The following RAB27B variants were observed in gnomAD, a reference collection of about 807,000 sequenced individuals.
RAB27B encodes the protein RAB27B, member RAS oncogene family.
In RAB27B, 15 loss-of-function variants were observed where a neutral mutation model predicts 24.6. The observed-to-expected ratio is 0.61, with a 90% confidence interval of 0.41 to 0.94. RAB27B has a LOEUF of 0.94. RAB27B is among the 40% of genes least tolerant of loss of function. The pLI, the probability that RAB27B is intolerant of heterozygous loss-of-function variation, is 0.00. For synonymous variants in RAB27B, 105 were observed against 92.5 expected (o/e 1.14, Z -0.78); for missense variants, 261 against 266.8 (o/e 0.98, Z 0.15).
chr18:54,798,303 T>G (rs1344569923), intron 2 of RAB27B, among the ~76,000 whole-genome samples: 3 of 152,220 alleles, frequency 2.0e-5, no homozygotes, highest in African/African-American at 4.8e-5. Flanking sequence ...ATGATTGAAG[T>G]GTATTCCTGG....
chr18:54,804,342 C>A (rs1819881), intron 2 of RAB27B, among the ~76,000 whole-genome samples: 19 of 151,990 alleles, frequency 1.3e-4, no homozygotes, highest in Non-Finnish European at 2.4e-4. Flanking sequence ...TCATGGGGAC[C>A]AATCTTTCCC....
At chr18:54,730,619 C>T (rs1049671523) in intron 2 of RAB27B, among the ~76,000 whole-genome samples, 3 of 152,004 alleles carry the variant, frequency 2.0e-5, no homozygotes, top group Non-Finnish European at 4.4e-5. Flanking sequence ...TTGGTGCCCT[C>T]CCGTGGTTAT....
At position 54,812,943 on chromosome 18, in the gene RAB27B, G is replaced by C. The variant is rs1179830121; in HGVS notation, c.-19-64624G>C. 2.6e-5 allele frequency among the ~76,000 whole-genome samples: 4 copies of C among 152,116 alleles called. No homozygotes were observed. In the East Asian group the frequency reaches 7.7e-4, roughly 29 times the overall value. The stretch of plus-strand genomic sequence containing the variant: ...TAATTCTGTCTCAGCCTGAGAAATA[G>C]AGTGAATAAAGAAGCATAGATTCTC... On this transcript the variant is annotated intron_variant, in intron 2 of 4. Transcript: ENST00000586570.
chr18:54,755,455 T>C (rs1907973726), intron 2 of RAB27B, among the ~76,000 whole-genome samples: 1 of 152,158 alleles, frequency 6.6e-6, no homozygotes, highest in African/African-American at 2.4e-5. Flanking sequence ...TATTAAAAAA[T>C]AGTTTCTCTG....
At chr18:54,865,101 T>C (rs1389123000) in intron 1 of RAB27B, among the ~76,000 whole-genome samples, 1 of 152,194 alleles carries the variant, frequency 6.6e-6, no homozygotes, top group African/African-American at 2.4e-5. Flanking sequence ...ATATGTGTTA[T>C]ATATGATTAA....
chr18:54,798,058 C>T (rs935661402), intron 2 of RAB27B, among the ~76,000 whole-genome samples: 5 of 152,010 alleles, frequency 3.3e-5, no homozygotes, highest in African/African-American at 9.7e-5. Flanking sequence ...ATGCAAGAAC[C>T]GCCGTCTATT....
chr18:54,779,621 A>G (rs1908826234), intron 2 of RAB27B, among the ~76,000 whole-genome samples: 1 of 152,192 alleles, frequency 6.6e-6, no homozygotes, highest in African/African-American at 2.4e-5. Flanking sequence ...CTTCAGTTGG[A>G]AAAAATAGGT....
intron 2 of RAB27B, among the ~76,000 whole-genome samples, chr18:54,785,446 T>TG (rs1417692406): frequency 2.7e-5 from 4 of 147,538 alleles, no homozygotes; most frequent in Admixed American, 6.7e-5. Context: ...GTTTTTTTTT[T>TG]TTTTTTTTTT....
chr18:54,813,803 G>A (rs1163455775), intron 2 of RAB27B, among the ~76,000 whole-genome samples: 1 of 152,030 alleles, frequency 6.6e-6, no homozygotes, highest in Non-Finnish European at 1.5e-5. Flanking sequence ...GGAGATGAGC[G>A]ATATCTATAC....
intron 2 of RAB27B, among the ~76,000 whole-genome samples, chr18:54,734,000 A>G (rs1909811713): frequency 6.6e-6 from 1 of 152,212 alleles, no homozygotes; most frequent in East Asian, 1.9e-4. Flanking sequence ...AGAACATTTA[A>G]GTTTACAAAA....
chr18:54,821,251 CAGAG>C (rs1410030999), intron 2 of RAB27B, among the ~76,000 whole-genome samples: 2 of 152,244 alleles, frequency 1.3e-5, no homozygotes, highest in East Asian at 1.9e-4. Context: ...AACAGACAAA[CAGAG>C]AGCCAAATCA....
At chr18:54,846,994 G>A (rs1911365969) in intron 1 of RAB27B, among the ~76,000 whole-genome samples, 1 of 152,012 alleles carries the variant, frequency 6.6e-6, no homozygotes, top group South Asian at 2.1e-4. Context: ...GGGATTATAG[G>A]TGCCCGCCAC....
intron 2 of RAB27B, among the ~76,000 whole-genome samples, chr18:54,779,974 G>C (rs1417337218): frequency 7.5e-6 from 1 of 133,112 alleles, no homozygotes. Flanking sequence ...CCTCCTCACC[G>C]TGTCTCCCCT....
At chr18:54,790,316 C>T (rs542072237) in intron 2 of RAB27B, among the ~76,000 whole-genome samples, 1 of 152,154 alleles carries the variant, frequency 6.6e-6, no homozygotes, top group Non-Finnish European at 1.5e-5. Flanking sequence ...AGACAGTATC[C>T]AGGAAACATC....
chr18:54,782,868 C>T (rs1353898424), intron 2 of RAB27B, among the ~76,000 whole-genome samples: 1 of 152,126 alleles, frequency 6.6e-6, no homozygotes, highest in Non-Finnish European at 1.5e-5. Context: ...TATCAGAACC[C>T]TGTACAAAAA....
intron 1 of RAB27B, among the ~76,000 whole-genome samples, chr18:54,858,939 T>G (rs2145232985): frequency 6.6e-6 from 1 of 152,286 alleles, no homozygotes; most frequent in African/African-American, 2.4e-5. Context: ...TTTTGTGATC[T>G]TTTTTCCACT....
intron 1 of RAB27B, among the ~76,000 whole-genome samples, chr18:54,855,645 C>T (rs768232867): frequency 1.2e-4 from 19 of 152,124 alleles, no homozygotes; most frequent in Non-Finnish European, 2.8e-4. Context: ...GTTCTGAAAA[C>T]CACAGAAGCA....
chr18:54,748,620 G>A (rs1473274629), intron 2 of RAB27B, among the ~76,000 whole-genome samples: 1 of 152,112 alleles, frequency 6.6e-6, no homozygotes, highest in African/African-American at 2.4e-5. Context: ...CTGGGTTGAG[G>A]CACAAATTTG....
At position 54,888,030 on chromosome 18, in the gene RAB27B, G is replaced by C. The variant is rs759912904; in HGVS notation, c.379G>C (p.Asp127His). ...LQANAYCENP[D>H]IVLIGNKADL... ...AGCAAATGCTTATTGTGAAAATCCA[G>C]ATATAGTATTAATTGGCAACAAGGC... is the stretch of plus-strand genomic sequence containing the variant. The change falls in exon 5 of 6, where the codon GAT becomes CAT. Residue 127 changes from aspartate to histidine, a missense_variant. Asp to His is a moderately conservative substitution (Grantham distance 81, BLOSUM62 -1). Transcript: ENST00000262094. 2 of 1,612,708 alleles carry C rather than the reference G, an allele frequency of 1.2e-6. No homozygotes were observed. Among genetic ancestry groups the C allele is most frequent in the Admixed American group, 3.3e-5 (2 of 59,930 alleles).
Sources: gnomAD v4.1 joint callset for allele counts (sites outside exome capture counted in the v4.1 genomes callset) on GRCh38, gnomAD v4.1.1 for gene constraint, MANE v1.5 for transcripts, NCBI Gene and HGNC (gene_info 2026-07-23, HGNC 2026-07-21) for gene names.